The following HS2ST1 variants were observed in gnomAD, a reference collection of about 807,000 sequenced individuals.
HS2ST1 encodes the protein heparan sulfate 2-O-sulfotransferase 1, also known as 2-O-sulfotransferase.
A neutral mutation model predicts 42.9 loss-of-function variants in HS2ST1; 18 were observed. The observed-to-expected ratio is 0.42, with a 90% confidence interval of 0.29 to 0.62. HS2ST1 has a LOEUF of 0.62. Among genes scored for constraint, HS2ST1 ranks in the 20% least tolerant of loss-of-function variants. The probability of loss-of-function intolerance (pLI) is 0.21; values close to 1 mark genes in which losing one functional copy is unlikely to be tolerated. For synonymous variants in HS2ST1, 146 were observed against 152.9 expected (o/e 0.95, Z 0.33); for missense variants, 334 against 433.8 (o/e 0.77, Z 2.04).
intron 1 of HS2ST1, among the ~76,000 whole-genome samples, chr1:87,037,696 T>C (rs2100601591): frequency 6.6e-6 from 1 of 152,006 alleles, no homozygotes; most frequent in East Asian, 1.9e-4. Context: ...ACTTTTTTGG[T>C]ATTTTTACTC....
chr1:87,035,395 T>G (rs552536395), intron 1 of HS2ST1, among the ~76,000 whole-genome samples: 23 of 152,362 alleles, frequency 1.5e-4, no homozygotes, highest in African/African-American at 5.5e-4. Flanking sequence ...AGACTTTTCA[T>G]GTACTCAGGG....
intron 1 of HS2ST1, among the ~76,000 whole-genome samples, chr1:87,041,961 A>G (rs1650534824): frequency 6.6e-6 from 1 of 152,182 alleles, no homozygotes; most frequent in South Asian, 2.1e-4. Context: ...AATTAAACAC[A>G]GAACTACCAT....
At chr1:86,964,520 C>G (rs926290454) in intron 1 of HS2ST1, among the ~76,000 whole-genome samples, 9 of 152,176 alleles carry the variant, frequency 5.9e-5, no homozygotes, top group Admixed American at 3.9e-4. Context: ...CGCCTGCAAT[C>G]GCAGGCACTG....
chr1:86,992,042 C>A (rs552216459), intron 1 of HS2ST1, among the ~76,000 whole-genome samples: 14 of 152,218 alleles, frequency 9.2e-5, no homozygotes, highest in Non-Finnish European at 7.4e-5. Flanking sequence ...TCAGTGGCAG[C>A]ACTAGATTCT....
chr1:87,074,513 C>T (rs189731326), intron 2 of HS2ST1, among the ~76,000 whole-genome samples: 1 of 152,196 alleles, frequency 6.6e-6, no homozygotes, highest in East Asian at 1.9e-4. Context: ...ATTACAAAGT[C>T]CTGGTAACTG....
chr1:86,951,161 A>G (rs1372655069), intron 1 of HS2ST1, among the ~76,000 whole-genome samples: 1 of 152,222 alleles, frequency 6.6e-6, no homozygotes, highest in East Asian at 1.9e-4. Context: ...TTGGGAATGC[A>G]TATGAAAAAC....
chr1:86,990,812 T>TATATA (rs1553135487), intron 1 of HS2ST1, among the ~76,000 whole-genome samples: 7 of 10,248 alleles, frequency 6.8e-4, no homozygotes, highest in Admixed American at 2.5e-3. Context: ...CTGGCTAATT[T>TATATA]TATATATATA....
At chr1:87,098,954 T>A (rs560958144) in intron 5 of HS2ST1, among the ~76,000 whole-genome samples, 50 of 152,212 alleles carry the variant, frequency 3.3e-4, no homozygotes, top group African/African-American at 1.2e-3. Context: ...ATTTTTGTAT[T>A]TTTAGTAGAG....
In HS2ST1 at chr1:86,922,277, G is replaced by A. The variant is rs551484343; in HGVS notation, c.124+7117G>A. On this transcript the variant is annotated intron_variant, in intron 1 of 6. Coordinates refer to ENST00000370550, the MANE Select transcript of HS2ST1 (RefSeq NM_012262.4). The stretch of plus-strand genomic sequence containing the variant: ...CACTTTTTTCTGGGTTCTTGCTATC[G>A]TCATTATACATTTTACTTCTATACA... 6.6e-5 allele frequency among the ~76,000 whole-genome samples: 10 copies of A among 151,044 alleles called. No homozygotes were observed. In the South Asian group the frequency reaches 8.3e-4, roughly 13 times the overall value.
chr1:87,047,282 T>C (rs577660241), intron 1 of HS2ST1, among the ~76,000 whole-genome samples: 2 of 152,324 alleles, frequency 1.3e-5, no homozygotes, highest in East Asian at 1.9e-4. Flanking sequence ...TTTAAAAAAA[T>C]GGACTGGCTA....
At chr1:87,083,376 CT>C in intron 2 of HS2ST1, among the ~76,000 whole-genome samples, 1 of 152,288 alleles carries the variant, frequency 6.6e-6, no homozygotes, top group East Asian at 1.9e-4. Context: ...ACTTTCTGCA[CT>C]CTATCTAGGT....
chr1:86,965,358 C>G (rs370718871), intron 1 of HS2ST1, among the ~76,000 whole-genome samples: 118 of 152,100 alleles, frequency 7.8e-4, no homozygotes, highest in Non-Finnish European at 4.0e-4. Flanking sequence ...GCTTTTCCCC[C>G]CTCTGCACAG....
chr1:87,101,489 T>C (rs1167418617), intron 5 of HS2ST1, among the ~76,000 whole-genome samples: 2 of 151,994 alleles, frequency 1.3e-5, no homozygotes, highest in Admixed American at 1.3e-4. Context: ...AGTTCAAACT[T>C]CCATAGATCT....
Position 87,054,294 on chromosome 1 carries a change from CAT to C in HS2ST1, c.125-18639_125-18638del, listed in dbSNP as rs1015137934. Among the ~76,000 whole-genome samples, 180 of 152,236 alleles carry C rather than the reference CAT, an allele frequency of 1.2e-3. 1 individual carries two copies. The highest frequency in any genetic ancestry group is 4.0e-3 in the African/African-American group (167 of 41,554). ...TTCTGAAACTCTTCTAGAGATATCT[CAT>C]GTGGGTTTTTTTGTTTGTTTTTTAA... is the stretch of plus-strand genomic sequence containing the variant. On this transcript the variant is annotated intron_variant, in intron 1 of 6. Coordinates refer to ENST00000370550, the MANE Select transcript of HS2ST1 (RefSeq NM_012262.4).
At chr1:87,069,231 AAT>A (rs1432365506) in intron 1 of HS2ST1, among the ~76,000 whole-genome samples, 2 of 152,218 alleles carry the variant, frequency 1.3e-5, no homozygotes, top group African/African-American at 4.8e-5. Flanking sequence ...ATGCAGTTCA[AAT>A]CCATGTTGTT....
intron 1 of HS2ST1, among the ~76,000 whole-genome samples, chr1:86,941,481 A>C (rs900130178): frequency 4.6e-5 from 7 of 152,056 alleles, no homozygotes; most frequent in African/African-American, 1.7e-4. Flanking sequence ...TTTATAAAAA[A>C]AAAATTACAG....
chr1:87,001,571 C>T (rs1439006900), intron 1 of HS2ST1, among the ~76,000 whole-genome samples: 2 of 152,218 alleles, frequency 1.3e-5, no homozygotes, highest in East Asian at 1.9e-4. Context: ...TAAAGTATTA[C>T]TTTTAAAAAG....
chr1:86,950,385 TAGAC>T (rs532210931), intron 1 of HS2ST1, among the ~76,000 whole-genome samples: 112 of 152,064 alleles, frequency 7.4e-4, no homozygotes, highest in East Asian at 5.4e-3. Context: ...GGTAGGTAGA[TAGAC>T]AGACAGACAG....
chr1:86,915,004 C>T lies in HS2ST1; in HGVS notation c.-33C>T, dbSNP rs563723959. The T allele has an allele frequency of 4.3e-6, 7 of 1,613,226 alleles. No individual in the cohort carries two copies. The African/African-American group carries it at 5.3e-5, about 12-fold the overall frequency. On this transcript the variant is annotated 5_prime_UTR_variant, in exon 1 of 7. Coordinates refer to ENST00000370550, the MANE Select transcript of HS2ST1 (RefSeq NM_012262.4). ...CTCCGGGGTCCCGCTCCCCGCCCCC[C>T]GCGGTATGTCTTGATCCCGAGCAGC...
Sources: gnomAD v4.1 joint callset for allele counts (sites outside exome capture counted in the v4.1 genomes callset) on GRCh38, gnomAD v4.1.1 for gene constraint, MANE v1.5 for transcripts, NCBI Gene and HGNC (gene_info 2026-07-23, HGNC 2026-07-21) for gene names.